The following IRAG1 variants were observed in gnomAD, a reference collection of about 807,000 sequenced individuals.
IRAG1 encodes IP3R-associated cGMP kinase substrate.
IRAG1 carries 62 observed loss-of-function variants against 106.2 expected under a neutral mutation model. The ratio of observed to expected loss-of-function variants is 0.58; its 90% CI spans 0.48 to 0.72. IRAG1 has a LOEUF of 0.72. Ranked by LOEUF, IRAG1 falls within the 30% of genes least tolerant of loss-of-function variation. The probability of loss-of-function intolerance (pLI) is 0.00; values close to 1 mark genes in which losing one functional copy is unlikely to be tolerated. For synonymous variants in IRAG1, 462 were observed against 443.9 expected, an observed-to-expected ratio of 1.04 and a Z score of -0.51; for missense variants, 1,064 against 1,140.7, an observed-to-expected ratio of 0.93 and a Z score of 0.97.
At chr11:10,632,985 C>A (rs1205582013) in intron 3 of IRAG1, among the ~76,000 whole-genome samples, 1 of 152,004 alleles carries the variant, frequency 6.6e-6, no homozygotes, top group Non-Finnish European at 1.5e-5. Context: ...TATCCAGATG[C>A]TTCTTGTATT....
At chr11:10,632,135 A>G (rs1363279830) in intron 3 of IRAG1, 74 bp from the exon 4 acceptor site, 3 of 943,710 alleles carry the variant, frequency 3.2e-6, no homozygotes, top group Non-Finnish European at 5.0e-6. Flanking sequence ...ATGCCTGTAT[A>G]TTCTTTTTCT....
chr11:10,654,590 T>C (rs1347514166), intron 1 of IRAG1, among the ~76,000 whole-genome samples: 3 of 152,170 alleles, frequency 2.0e-5, no homozygotes, highest in Non-Finnish European at 2.9e-5. Context: ...ATAAAGATAA[T>C]CTTGGCCTTC....
rs1854177266 is a variant in IRAG1 at position 10,603,176 on chromosome 11, G to C, written c.1819C>G (p.His607Asp). 1 of 1,609,742 alleles carries C rather than the reference G, an allele frequency of 6.2e-7. No individual in the cohort carries two copies. Among genetic ancestry groups the C allele is most frequent in the African/African-American group, 1.3e-5 (1 of 74,868 alleles). The change falls in exon 14 of 21, where the codon CAC becomes GAC. Residue 607 changes from histidine to aspartate, a missense_variant. His to Asp is a moderately conservative substitution (Grantham distance 81, BLOSUM62 -1). Transcript: ENST00000423302. ...CTGGAGAGGCGGGCAGCCAGGCGGT[G>C]CAGGACAGCGATGTCCTCCAGCAAC... Reference protein sequence around the residue: ...QKLLEDIAVLHRLAARLSSRA... With the variant: ...QKLLEDIAVLDRLAARLSSRA...
intron 18 of IRAG1, among the ~76,000 whole-genome samples, chr11:10,586,340 C>T (rs74777414): frequency 0.013 from 2,039 of 152,082 alleles, 54 homozygotes; most frequent in African/African-American, 0.047. Flanking sequence ...AGACTAAGCT[C>T]AAATGCCTTC....
chr11:10,664,828 TGAA>T (rs1022244183), intron 1 of IRAG1, among the ~76,000 whole-genome samples: 1 of 152,136 alleles, frequency 6.6e-6, no homozygotes, highest in Non-Finnish European at 1.5e-5. Flanking sequence ...CTTAAGATGA[TGAA>T]GAAGAACTTG....
chr11:10,606,686 G>C, intron 12 of IRAG1, 56 bp downstream of exon 12: 3 of 1,528,976 alleles, frequency 2.0e-6, no homozygotes, highest in South Asian at 1.2e-5. Context: ...GAAATGTTTT[G>C]AATAAGCCCA....
intron 18 of IRAG1, among the ~76,000 whole-genome samples, chr11:10,584,143 C>T (rs757973655): frequency 3.3e-5 from 5 of 152,086 alleles, no homozygotes; most frequent in Non-Finnish European, 5.9e-5. Context: ...GGAGCAATGT[C>T]GTCATGGAGG....
chr11:10,584,587 G>C (rs1378930523), intron 18 of IRAG1, among the ~76,000 whole-genome samples: 2 of 82,130 alleles, frequency 2.4e-5, no homozygotes, highest in Non-Finnish European at 5.4e-5. Flanking sequence ...ATATATATAT[G>C]AAATGAGATA....
At chr11:10,651,814 T>A (rs1453472001) in intron 2 of IRAG1, among the ~76,000 whole-genome samples, 1 of 152,230 alleles carries the variant, frequency 6.6e-6, no homozygotes. Flanking sequence ...GTTGGTTCTA[T>A]ACCCAGAATA....
rs1016945150 is a variant in IRAG1, at chr11:10,578,333, A to G, written c.2496-1758T>C. On this transcript the variant is annotated intron_variant, in intron 20 of 20. Coordinates refer to ENST00000423302, the MANE Select transcript of IRAG1 (RefSeq NM_130385.4). ...AGACAAAAGTTTTATCTTGTCCCTT[A>G]TGAGTCTCACTTGTTCAATGTCAGA... 2.0e-5 allele frequency among the ~76,000 whole-genome samples: 3 copies of G among 152,368 alleles called. No homozygotes were observed. In the East Asian group the frequency reaches 5.8e-4, roughly 29 times the overall value.
chr11:10,692,276 A>C (rs1247699594), intron 1 of IRAG1, among the ~76,000 whole-genome samples: 1 of 152,194 alleles, frequency 6.6e-6, no homozygotes, highest in Non-Finnish European at 1.5e-5. Flanking sequence ...CATTAGGTCA[A>C]AAATCGCAAG....
chr11:10,598,738 C>T (rs1376043122), intron 15 of IRAG1, among the ~76,000 whole-genome samples: 1 of 152,040 alleles, frequency 6.6e-6, no homozygotes, highest in Non-Finnish European at 1.5e-5. Context: ...AAATTTATTT[C>T]CCCTGAGCTA....
At position 10,629,550 on chromosome 11, in the gene IRAG1, C is replaced by G; in HGVS notation, c.562G>C (p.Asp188His). The G allele has an allele frequency of 6.2e-7, 1 of 1,613,398 alleles. No homozygotes were observed. The highest frequency in any genetic ancestry group is 8.5e-7 in the Non-Finnish European group (1 of 1,179,586). The change falls in exon 5 of 21, where the codon GAC becomes CAC. Residue 188 changes from aspartate to histidine, a missense_variant. By Grantham distance (81) the Asp-to-His change is moderately conservative (BLOSUM62 -1). Transcript: ENST00000423302. ...RGRKSRSSPG[D>H]SPSAVSPNLS... The stretch of plus-strand genomic sequence containing the variant: ...CCTGCCACCCTACCTGATGGGGAGT[C>G]TCCGGGGCTGCTCCTGGACTTCCTC...
chr11:10,625,956 A>G lies in IRAG1; in HGVS notation c.1368+10T>C, dbSNP rs1203748629. 2 of 1,464,120 alleles carry G rather than the reference A, an allele frequency of 1.4e-6. No individual in the cohort carries two copies. Among genetic ancestry groups the G allele is most frequent in the Non-Finnish European group, 1.8e-6 (2 of 1,107,146 alleles). The allele number at this position is 1,464,120 out of a possible 1,614,324, so 90.7% of individuals were successfully genotyped here. A position where few individuals can be genotyped will look rare whatever the true frequency, so the allele number is the denominator to read the frequency against. On this transcript the variant is annotated intron_variant, in intron 9 of 20. Coordinates refer to ENST00000423302, the MANE Select transcript of IRAG1 (RefSeq NM_130385.4). ...TACACACTCTGCCCAACTGGCCCCC[A>G]GGAACCCACCTCTCGGAGCTTGGTC...
At chr11:10,630,206 G>C (rs549878545) in intron 4 of IRAG1, 5 of 154,822 alleles carry the variant, frequency 3.2e-5, no homozygotes, top group Admixed American at 3.1e-4. Context: ...GTGGGTGAAC[G>C]GCACCACCTC....
At chr11:10,611,698 T>C (rs1854975184) in intron 10 of IRAG1, 1 of 152,202 alleles carries the variant, frequency 6.6e-6, no homozygotes. Flanking sequence ...ATGTAGAGCT[T>C]CCACCCATGA....
Position 10,601,079 on chromosome 11 carries a change from G to A in IRAG1, c.1876-20C>T, listed in dbSNP as rs763668383. 6.2e-6 allele frequency: 10 copies of A among 1,612,864 alleles called. No homozygotes were observed. In the African/African-American group the frequency reaches 1.1e-4, roughly 17 times the overall value. On this transcript the variant is annotated intron_variant, in intron 14 of 20. Coordinates refer to ENST00000423302, the MANE Select transcript of IRAG1 (RefSeq NM_130385.4). ...CTTTTCCTGCGGGGAAGGAGCGCAT[G>A]AGTGCATGAGGCCATTGGAGGAAAG...
At chr11:10,633,311 A>C (rs530799705) in intron 3 of IRAG1, among the ~76,000 whole-genome samples, 34 of 152,008 alleles carry the variant, frequency 2.2e-4, no homozygotes, top group Non-Finnish European at 4.6e-4. Context: ...TCCTGACCTC[A>C]TGATTCACCC....
chr11:10,576,474 G>T lies in IRAG1; in HGVS notation c.2597C>A (p.Thr866Asn), dbSNP rs180839541. The change falls in exon 21 of 21, where the codon ACT becomes AAT. Residue 866 changes from threonine (T) to asparagine (N), a missense_variant. Physicochemically the swap from Thr to Asn is moderately conservative, Grantham distance 65 (BLOSUM62 0). Transcript: ENST00000423302. ...WMMAAVMLVL[T>N]VVLGLYNSYN... ...GGAATTGTAGAGCCCCAGCACAACA[G>T]TCAAGACCAGCATCACTGCAGCCAT... 6.2e-7 allele frequency: 1 copy of T among 1,614,000 alleles called. No homozygotes were observed. Among genetic ancestry groups the T allele is most frequent in the Admixed American group, 1.7e-5 (1 of 60,028 alleles).
Sources: allele counts gnomAD v4.1 joint callset (sites outside exome capture counted in the v4.1 genomes callset), GRCh38; gene constraint gnomAD v4.1.1; transcripts MANE v1.5; gene names NCBI Gene and HGNC (gene_info 2026-07-23, HGNC 2026-07-21).